Variants in WWP1 observed in about 807,000 individuals in gnomAD.
WWP1 encodes NEDD4-like E3 ubiquitin-protein ligase WWP1.
In WWP1, 49 loss-of-function variants were observed where a neutral mutation model predicts 130.6. The ratio of observed to expected loss-of-function variants is 0.38; its 90% CI spans 0.30 to 0.48. The LOEUF (loss-of-function observed/expected upper bound fraction) is 0.48. WWP1 is among the 20% of genes least tolerant of loss of function. WWP1 has a pLI of 0.99. For synonymous variants in WWP1, 332 were observed against 367.8 expected (o/e 0.90, Z 1.11); for missense variants, 809 against 1,100.6 (o/e 0.74, Z 3.75).
At chr8:86,343,806 C>CTG (rs780147811) in intron 1 of WWP1, among the ~76,000 whole-genome samples, 4 of 151,750 alleles carry the variant, frequency 2.6e-5, no homozygotes, top group Non-Finnish European at 5.9e-5. Context: ...AAATTTTTTT[C>CTG]TGTGTGTGTG....
At chr8:86,438,512 A>T in intron 16 of WWP1, 73 bp from the exon 17 acceptor site, 1 of 1,118,394 alleles carries the variant, frequency 8.9e-7, no homozygotes, top group Non-Finnish European at 1.2e-6. Context: ...AATAGAGATT[A>T]AATTTAAATT....
At chr8:86,355,703 T>C (rs1391654092) in intron 1 of WWP1, among the ~76,000 whole-genome samples, 3 of 152,182 alleles carry the variant, frequency 2.0e-5, no homozygotes, top group Non-Finnish European at 4.4e-5. Flanking sequence ...TTTACACACT[T>C]ATCTTTTTAC....
chr8:86,361,289 A>G (rs1005989249), intron 1 of WWP1, among the ~76,000 whole-genome samples: 2 of 152,142 alleles, frequency 1.3e-5, no homozygotes, highest in East Asian at 1.9e-4. Context: ...TCTGGGACAT[A>G]TTAACATATC....
At chr8:86,362,190 A>ACAAGG in intron 1 of WWP1, among the ~76,000 whole-genome samples, 1 of 134,792 alleles carries the variant, frequency 7.4e-6, no homozygotes, top group Non-Finnish European at 1.6e-5. Context: ...ATATATATAT[A>ACAAGG]TATATATATA....
intron 5 of WWP1, among the ~76,000 whole-genome samples, chr8:86,385,753 G>A (rs1341603017): frequency 2.0e-5 from 3 of 152,152 alleles, no homozygotes; most frequent in Non-Finnish European, 2.9e-5. Flanking sequence ...TTATTCACTT[G>A]TGTTTTTTTC....
chr8:86,370,929 G>C (rs1359356920), intron 2 of WWP1, among the ~76,000 whole-genome samples: 1 of 122,894 alleles, frequency 8.1e-6, no homozygotes, highest in Non-Finnish European at 1.6e-5. Context: ...GCAGTGGCAA[G>C]ATCTTAGCTC....
chr8:86,463,563 C>T (rs930717242), intron 24 of WWP1, among the ~76,000 whole-genome samples: 4 of 152,098 alleles, frequency 2.6e-5, no homozygotes, highest in South Asian at 2.1e-4. Flanking sequence ...GCCTTGGCCT[C>T]GCAAAGTGCT....
chr8:86,435,771 C>T lies in WWP1; in HGVS notation c.1749+67C>T. ...TGTATTCTGTGCATCTAAAGAAAGT[C>T]AGGGTTTTAGAGATTTTTAAACCAC... On this transcript the variant is annotated intron_variant, in intron 16 of 24. Coordinates refer to ENST00000517970, the MANE Select transcript of WWP1 (RefSeq NM_007013.4). 2.6e-6 allele frequency: 4 copies of T among 1,521,684 alleles called. No individual in the cohort carries two copies. In the South Asian group the frequency reaches 3.5e-5, roughly 13 times the overall value. 94.3% of individuals were successfully genotyped at this position (1,521,684 alleles called of 1,614,324 possible). A position where few individuals can be genotyped will look rare whatever the true frequency, so the allele number is the denominator to read the frequency against.
At chr8:86,386,828 C>T (rs940497692) in intron 5 of WWP1, 1 of 152,144 alleles carries the variant, frequency 6.6e-6, no homozygotes, top group Non-Finnish European at 1.5e-5. Context: ...TAAATACATT[C>T]ATCACAGTTC....
chr8:86,461,808 A>C lies in WWP1; in HGVS notation c.2631A>C (p.Lys877Asn). 6 of 1,614,114 alleles carry C rather than the reference A, an allele frequency of 3.7e-6. No individual in the cohort carries two copies. The highest frequency in any genetic ancestry group is 5.1e-6 in the Non-Finnish European group (6 of 1,179,988). Reference sequence around the variant, plus strand: ...GGCCTCAAAAGTTTTGCATTGAAAAAGTTGGCAAAGACACTTGGTTACCAA... The same window carrying C: ...GGCCTCAAAAGTTTTGCATTGAAAACGTTGGCAAAGACACTTGGTTACCAA... ...SNGPQKFCIE[K>N]VGKDTWLPRS... Residue 877 changes from lysine to asparagine, a missense_variant, in exon 24 of 25, where the codon AAA becomes AAC. Lys to Asn is a moderately conservative substitution (Grantham distance 94). Transcript: ENST00000517970.
chr8:86,461,557 G>C (rs1160865016), intron 23 of WWP1: 1 of 625,638 alleles, frequency 1.6e-6, no homozygotes, highest in East Asian at 2.7e-5. Context: ...TGTGAAGGGA[G>C]CGACATTCTG....
chr8:86,402,115 C>G lies in WWP1; in HGVS notation c.636C>G (p.Asn212Lys). The G allele has an allele frequency of 6.2e-7, 1 of 1,614,046 alleles. No individual in the cohort carries two copies. Reference sequence around the variant, plus strand: ...GCTCGTATGTAGTTAATGGAGACAACACACCTTCATCTCCGTCTCAGGTTG... The same window carrying G: ...GCTCGTATGTAGTTAATGGAGACAAGACACCTTCATCTCCGTCTCAGGTTG... ...SCCSYVVNGD[N>K]TPSSPSQVAA... The change falls in exon 8 of 25, where the codon AAC (asparagine) becomes AAG (lysine). Residue 212 changes from asparagine to lysine, a missense_variant. Asn to Lys is a moderately conservative substitution (Grantham distance 94). This residue lies in a region of WWP1 where 262 missense variants were observed against 346.0 expected (regional missense o/e 0.76). Transcript: ENST00000517970.
At chr8:86,441,086 GA>G (rs1223328344) in intron 17 of WWP1, among the ~76,000 whole-genome samples, 1 of 152,296 alleles carries the variant, frequency 6.6e-6, no homozygotes, top group Admixed American at 6.5e-5. Flanking sequence ...AGCATCAGAG[GA>G]AAAGAGTAGA....
chr8:86,404,348 A>G (rs1808158400), intron 8 of WWP1, among the ~76,000 whole-genome samples: 1 of 152,168 alleles, frequency 6.6e-6, no homozygotes, highest in African/African-American at 2.4e-5. Context: ...TCCATTGACC[A>G]CTAATTAGTT....
intron 9 of WWP1, chr8:86,417,117 C>CTGGGGCAGACAGTGAAA: frequency 6.6e-6 from 1 of 152,474 alleles, no homozygotes; most frequent in Non-Finnish European, 1.5e-5. Context: ...TCAGGAGTCC[C>CTGGGGCAGACAGTGAAA]TGGGGCAGAC....
chr8:86,420,000 A>G (rs1486799193), intron 9 of WWP1, among the ~76,000 whole-genome samples: 1 of 152,232 alleles, frequency 6.6e-6, no homozygotes, highest in Non-Finnish European at 1.5e-5. Context: ...TAGTGTTTGC[A>G]TAGAATAAAT....
At chr8:86,400,050 A>C (rs1292421709) in intron 7 of WWP1, among the ~76,000 whole-genome samples, 6 of 152,036 alleles carry the variant, frequency 3.9e-5, no homozygotes, top group Non-Finnish European at 8.8e-5. Flanking sequence ...TAGATAGTAG[A>C]CTGGGCATGG....
chr8:86,408,268 T>C (rs992402744), intron 8 of WWP1, among the ~76,000 whole-genome samples: 3 of 152,220 alleles, frequency 2.0e-5, no homozygotes, highest in African/African-American at 7.2e-5. Context: ...TTATAAAGGC[T>C]CCTTGGTTAC....
intron 5 of WWP1, among the ~76,000 whole-genome samples, chr8:86,390,018 G>A (rs892601958): frequency 2.6e-5 from 4 of 151,966 alleles, no homozygotes; most frequent in Non-Finnish European, 5.9e-5. Context: ...TCCCAGAAGG[G>A]GTGGCGGTCT....
Sources: allele counts gnomAD v4.1 joint callset (sites outside exome capture counted in the v4.1 genomes callset), GRCh38; gene constraint gnomAD v4.1.1; regional missense constraint gnomAD v4.1.1; transcripts MANE v1.5; gene names NCBI Gene and HGNC (gene_info 2026-07-23, HGNC 2026-07-21).